The following CLCA1 variants were observed in gnomAD, a reference collection of about 807,000 sequenced individuals.
CLCA1 encodes calcium-activated chloride channel regulator 1.
CLCA1 carries 59 observed loss-of-function variants against 85.6 expected under a neutral mutation model. That is an observed-to-expected ratio of 0.69 (90% confidence interval 0.56 to 0.86). CLCA1 has a LOEUF of 0.86. Among genes scored for constraint, CLCA1 ranks in the 40% least tolerant of loss-of-function variants. CLCA1 has a pLI of 0.00. For synonymous variants in CLCA1, 396 were observed against 398.3 expected, an observed-to-expected ratio of 0.99 and a Z score of 0.07; for missense variants, 1,022 against 1,101.4, an observed-to-expected ratio of 0.93 and a Z score of 1.02.
chr1:86,488,142 A>G (rs1472621976), intron 7 of CLCA1, among the ~76,000 whole-genome samples: 2 of 152,154 alleles, frequency 1.3e-5, no homozygotes, highest in Non-Finnish European at 2.9e-5. Context: ...CTTTTCTGAG[A>G]TTCTAGGCCT....
intron 12 of CLCA1, 58 bp from the exon 13 acceptor site, chr1:86,498,514 G>T (rs961417171): frequency 6.4e-7 from 1 of 1,550,632 alleles, no homozygotes; most frequent in South Asian, 1.2e-5. Context: ...GAAAACAGAC[G>T]GAGGTGTCAC....
chr1:86,500,196 T>C lies in CLCA1; in HGVS notation c.*151T>C. The C allele has an allele frequency of 1.8e-6, 1 of 563,498 alleles. No homozygotes were observed. Among genetic ancestry groups the C allele is most frequent in the East Asian group, 2.8e-5 (1 of 35,326 alleles). The allele number at this position is 563,498 out of a possible 1,614,324, so 34.9% of individuals were successfully genotyped here. A position where few individuals can be genotyped will look rare whatever the true frequency, so the allele number is the denominator to read the frequency against. ...CTAAATGTATTCCTGTAGGGGGCGA[T>C]ATACTAAATGTATTTTAGACTTCCT... On this transcript the variant is annotated 3_prime_UTR_variant, in exon 14 of 14. Coordinates refer to ENST00000394711, the MANE Select transcript of CLCA1 (RefSeq NM_001285.4).
Position 86,473,788 on chromosome 1 carries a change from G to A in CLCA1, c.363G>A (p.Gln121=). 6.2e-7 allele frequency: 1 copy of A among 1,612,826 alleles called. No homozygotes were observed. Among genetic ancestry groups the A allele is most frequent in the Non-Finnish European group, 8.5e-7 (1 of 1,179,108 alleles). The part of the protein sequence containing the change: ...PPGNDEPYTE[Q]MGNCGEKGER... ...GTAATGATGAACCCTACACTGAGCAGATGGGCAACTGTGGAGAGAAGGGTG... is the reference window on the plus strand; with the variant it reads ...GTAATGATGAACCCTACACTGAGCAAATGGGCAACTGTGGAGAGAAGGGTG... The change falls in exon 3 of 14, where the codon CAG becomes CAA. Residue 121 remains glutamine (Q), a synonymous_variant. Coordinates refer to ENST00000394711, the MANE Select transcript of CLCA1 (RefSeq NM_001285.4).
chr1:86,478,351 C>T (rs1647730273), intron 4 of CLCA1, among the ~76,000 whole-genome samples: 1 of 151,614 alleles, frequency 6.6e-6, no homozygotes, highest in Non-Finnish European at 1.5e-5. Flanking sequence ...TGCTTGAACC[C>T]GGGAGGCGGA....
rs1647635097 is a variant in CLCA1 at position 86,476,389 on chromosome 1, G to T, written c.452-59G>T. Reference sequence around the variant, plus strand: ...ATTCCAAACATTGCTTTCTTCCAGTGTGAGAAGGTAATTTTGCCATTCTTA... The same window carrying T: ...ATTCCAAACATTGCTTTCTTCCAGTTTGAGAAGGTAATTTTGCCATTCTTA... On this transcript the variant is annotated intron_variant, in intron 3 of 13. Coordinates refer to ENST00000394711, the MANE Select transcript of CLCA1 (RefSeq NM_001285.4). The T allele has an allele frequency of 3.7e-6, 3 of 814,654 alleles. No homozygotes were observed. The South Asian group carries it at 4.5e-5, about 12-fold the overall frequency. The allele number at this position is 814,654 out of a possible 1,614,324, so 50.5% of individuals were successfully genotyped here.
intron 5 of CLCA1, among the ~76,000 whole-genome samples, chr1:86,483,595 A>T (rs1647877581): frequency 2.6e-5 from 4 of 152,166 alleles, no homozygotes; most frequent in Admixed American, 2.0e-4. Flanking sequence ...AAGGTAAAGG[A>T]ACCATCATTT....
chr1:86,489,265 G>C (rs1648073883), intron 8 of CLCA1, 95 bp downstream of exon 8: 1 of 1,220,396 alleles, frequency 8.2e-7, no homozygotes, highest in South Asian at 1.5e-5. Context: ...GGGATGGAGA[G>C]AGATAGGATA....
chr1:86,486,135 C>T (rs140312377), intron 6 of CLCA1, among the ~76,000 whole-genome samples: 1 of 152,148 alleles, frequency 6.6e-6, no homozygotes, highest in African/African-American at 2.4e-5. Context: ...TGGAAGAAAC[C>T]ACCTCCATGT....
Position 86,476,449 on chromosome 1 carries a change from T to G in CLCA1, c.453T>G (p.Gly151=), listed in dbSNP as rs1570280419. The G allele has an allele frequency of 6.5e-7, 1 of 1,533,968 alleles. No individual in the cohort carries two copies. The highest frequency in any genetic ancestry group is 1.7e-5 in the Admixed American group (1 of 58,770). The change falls in exon 4 of 14, where the codon GGT becomes GGG. Residue 151 remains glycine (G), a splice_region_variant and synonymous_variant. Coordinates refer to ENST00000394711, the MANE Select transcript of CLCA1 (RefSeq NM_001285.4). ...GTTTTTTAAAATACTTTCTCACAGG[T>G]AGGGCATTTGTCCATGAGTGGGCTC... ...GKKLAEYGPQ[G]RAFVHEWAHL...
Position 86,495,516 on chromosome 1 carries a change from A to G in CLCA1, c.1954A>G (p.Thr652Ala), listed in dbSNP as rs764790189. 3.1e-6 allele frequency: 5 copies of G among 1,612,962 alleles called. No homozygotes were observed. The African/African-American group carries it at 6.7e-5, about 22-fold the overall frequency. ...LLDNGAGADA[T>A]KDDGVYSRYF... ...CATTCTTTATCAAGGTGCTGATGCT[A>G]CTAAGGATGACGGTGTCTACTCAAG... The change falls in exon 12 of 14, where the codon ACT becomes GCT. Residue 652 changes from threonine (T) to alanine (A), a missense_variant. Physicochemically the swap from Thr to Ala is moderately conservative, Grantham distance 58. Transcript: ENST00000394711.
chr1:86,488,412 GAC>G (rs2101741450), intron 7 of CLCA1, among the ~76,000 whole-genome samples: 1 of 152,262 alleles, frequency 6.6e-6, no homozygotes, highest in African/African-American at 2.4e-5. Flanking sequence ...GAGTAGTTGA[GAC>G]ATAGGTGTCA....
At chr1:86,488,829 G>C (rs111489468) in intron 7 of CLCA1, among the ~76,000 whole-genome samples, 167 bp from the exon 8 acceptor site, 1 of 152,164 alleles carries the variant, frequency 6.6e-6, no homozygotes, top group Non-Finnish European at 1.5e-5. Context: ...CATGAATGCT[G>C]CTGGGTTAAG....
intron 1 of CLCA1, among the ~76,000 whole-genome samples, chr1:86,472,755 G>C (rs1388713998): frequency 1.3e-5 from 2 of 151,806 alleles, no homozygotes; most frequent in African/African-American, 4.8e-5. Flanking sequence ...ACTTCTATCA[G>C]CACTTGGCAA....
chr1:86,489,555 A>C (rs1343713016), intron 8 of CLCA1, among the ~76,000 whole-genome samples: 1 of 152,244 alleles, frequency 6.6e-6, no homozygotes, highest in Non-Finnish European at 1.5e-5. Context: ...ATAAAGCACA[A>C]ATAAGGGAGG....
In CLCA1 at chr1:86,473,871, C is replaced by A; in HGVS notation, c.446C>A (p.Pro149Gln). The A allele has an allele frequency of 6.3e-7, 1 of 1,598,662 alleles. No individual in the cohort carries two copies. ...IAGKKLAEYG[P>Q]QGRAFVHEWA... is the part of the protein sequence containing the mutation. ...GGAAAAAAGTTAGCTGAATATGGAC[C>A]ACAAGGTATGAAATATTCTACCATA... Residue 149 changes from proline (P) to glutamine (Q), a missense_variant, in exon 3 of 14, where the codon CCA (proline) becomes CAA (glutamine). Coordinates refer to ENST00000394711, the MANE Select transcript of CLCA1 (RefSeq NM_001285.4).
intron 12 of CLCA1, among the ~76,000 whole-genome samples, chr1:86,496,174 G>C (rs930349589): frequency 6.6e-6 from 1 of 152,208 alleles, no homozygotes; most frequent in Admixed American, 6.5e-5. Flanking sequence ...CTGGTAAATA[G>C]TGTTTAATAA....
In CLCA1 at chr1:86,494,272, C is replaced by T. The variant is rs761367580; in HGVS notation, c.1766C>T (p.Pro589Leu). ...VTSRASNATL[P>L]PITVTSKTNK... ...TCCCGTGCGTCCAATGCTACCCTGC[C>T]TCCAATTACAGTGACTTCCAAAACG... is the stretch of plus-strand genomic sequence containing the variant. Residue 589 changes from proline (P) to leucine (L), a missense_variant, in exon 11 of 14, where the codon CCT (proline) becomes CTT (leucine). Pro to Leu is a moderately conservative substitution (Grantham distance 98). Coordinates refer to ENST00000394711, the MANE Select transcript of CLCA1 (RefSeq NM_001285.4). 1.2e-6 allele frequency: 2 copies of T among 1,614,206 alleles called. No homozygotes were observed. Among genetic ancestry groups the T allele is most frequent in the Non-Finnish European group, 1.7e-6 (2 of 1,180,034 alleles).
chr1:86,485,354 C>A lies in CLCA1; in HGVS notation c.747C>A (p.Phe249Leu). The change falls in exon 6 of 14, where the codon TTC (phenylalanine) becomes TTA (leucine). Residue 249 changes from phenylalanine to leucine, a missense_variant. Physicochemically the swap from Phe to Leu is conservative, Grantham distance 22. Coordinates refer to ENST00000394711, the MANE Select transcript of CLCA1 (RefSeq NM_001285.4). ...FAQHVDSIVE[F>L]CTEQNHNKEA... is the part of the protein sequence containing the mutation. Reference sequence around the variant, plus strand: ...ATTGACAATTTCAGATAGTTGAATTCTGTACAGAACAAAACCACAACAAAG... The same window carrying A: ...ATTGACAATTTCAGATAGTTGAATTATGTACAGAACAAAACCACAACAAAG... 1 of 1,612,348 alleles carries A rather than the reference C, an allele frequency of 6.2e-7. No individual in the cohort carries two copies. Among genetic ancestry groups the A allele is most frequent in the Non-Finnish European group, 8.5e-7 (1 of 1,178,452 alleles).
chr1:86,469,120 T>C lies in CLCA1; in HGVS notation c.149T>C (p.Ile50Thr). The C allele has an allele frequency of 6.2e-7, 1 of 1,604,284 alleles. No individual in the cohort carries two copies. Among genetic ancestry groups the C allele is most frequent in the Non-Finnish European group, 8.5e-7 (1 of 1,174,442 alleles). Residue 50 changes from isoleucine to threonine, a missense_variant, in exon 1 of 14, where the codon ATT (isoleucine) becomes ACT (threonine). Physicochemically the swap from Ile to Thr is moderately conservative, Grantham distance 89. Transcript: ENST00000394711. Reference sequence around the variant, plus strand: ...AATGTGCCAGAAGATGAAACACTCATTCAACAAATAAAGGTAAGTTCATAG... The same window carrying C: ...AATGTGCCAGAAGATGAAACACTCACTCAACAAATAAAGGTAAGTTCATAG... ...DPNVPEDETL[I>T]QQIKDMVTQA...
Sources: allele counts gnomAD v4.1 joint callset (sites outside exome capture counted in the v4.1 genomes callset), GRCh38; gene constraint gnomAD v4.1.1; transcripts MANE v1.5; gene names NCBI Gene and HGNC (gene_info 2026-07-23, HGNC 2026-07-21).